GRB10: variants seen among roughly 807,000 people sequenced by gnomAD.
GRB10 encodes growth factor receptor-bound protein 10.
GRB10 carries 20 observed loss-of-function variants against 80.9 expected under a neutral mutation model. The ratio of observed to expected loss-of-function variants is 0.25; its 90% confidence interval spans 0.17 to 0.36. The LOEUF (loss-of-function observed/expected upper bound fraction) is 0.36. Among genes scored for constraint, GRB10 ranks in the 10% least tolerant of loss-of-function variants. The pLI is 1.00. For synonymous variants in GRB10, 291 were observed against 291.5 expected (o/e 1.00, Z 0.02); for missense variants, 548 against 747.7 (o/e 0.73, Z 3.12).
In GRB10 at chr7:50,782,809, C is replaced by T. The variant is rs965025419; in HGVS notation, c.-712G>A. The T allele has an allele frequency of 6.6e-6, 1 of 152,116 alleles. No individual in the cohort carries two copies. The highest frequency in any genetic ancestry group is 1.5e-5 in the Non-Finnish European group (1 of 68,012). 9.4% of individuals were successfully genotyped at this position (152,116 alleles called of 1,614,324 possible). ...CGCGGAGCCGGCTGCCGCCCGGCTGCAATACTCAGCCTCCGAGGGACTGGG... is the reference window on the plus strand; with the variant it reads ...CGCGGAGCCGGCTGCCGCCCGGCTGTAATACTCAGCCTCCGAGGGACTGGG... On this transcript the variant is annotated 5_prime_UTR_variant, in exon 1 of 19. Transcript: ENST00000401949. This position sits in a 1 kb window ranked among gnomAD's most constrained non-coding sequence, Gnocchi z 6.6.
intron 2 of GRB10, among the ~76,000 whole-genome samples, chr7:50,766,978 CA>C (rs1216340306): frequency 6.6e-6 from 1 of 152,154 alleles, no homozygotes; most frequent in Admixed American, 6.5e-5. Context: ...GGTTGGTAAA[CA>C]ATGATTAATG....
At chr7:50,730,577 T>C (rs974451687) in intron 4 of GRB10, among the ~76,000 whole-genome samples, 1 of 152,208 alleles carries the variant, frequency 6.6e-6, no homozygotes, top group Non-Finnish European at 1.5e-5. Flanking sequence ...TGCTTTCAAA[T>C]GGCCCTGAGA....
chr7:50,682,520 C>A (rs893702085), intron 5 of GRB10, among the ~76,000 whole-genome samples: 1 of 152,180 alleles, frequency 6.6e-6, no homozygotes, highest in Admixed American at 6.5e-5. Flanking sequence ...CAACATCACC[C>A]GAACAAAGGG....
At chr7:50,622,324 G>A (rs1243748138) in intron 8 of GRB10, among the ~76,000 whole-genome samples, 1 of 152,166 alleles carries the variant, frequency 6.6e-6, no homozygotes, top group Non-Finnish European at 1.5e-5. Context: ...GAGTCAACAG[G>A]CGCCGGCTGT....
intron 3 of GRB10, among the ~76,000 whole-genome samples, chr7:50,748,313 G>A (rs1401314607): frequency 6.6e-6 from 1 of 152,230 alleles, no homozygotes; most frequent in Non-Finnish European, 1.5e-5. Context: ...ATGGACATCA[G>A]ACAGTGCACA....
intron 7 of GRB10, among the ~76,000 whole-genome samples, chr7:50,637,296 C>T (rs1347098219): frequency 7.2e-5 from 11 of 152,134 alleles, no homozygotes; most frequent in African/African-American, 2.2e-4. Flanking sequence ...AAGACACTTC[C>T]GAAAGACTCC....
intron 3 of GRB10, among the ~76,000 whole-genome samples, chr7:50,748,388 A>G (rs567858179): frequency 6.6e-6 from 1 of 152,216 alleles, no homozygotes; most frequent in Non-Finnish European, 1.5e-5. Flanking sequence ...AGCCAGGGAG[A>G]GCGTCACGGC....
intron 13 of GRB10, among the ~76,000 whole-genome samples, chr7:50,608,075 T>C (rs893200864): frequency 6.6e-6 from 1 of 152,260 alleles, no homozygotes; most frequent in Non-Finnish European, 1.5e-5. Context: ...AGGGGAAATA[T>C]TTGATGAGAT....
intron 3 of GRB10, among the ~76,000 whole-genome samples, chr7:50,753,965 C>T (rs2074602896): frequency 6.6e-6 from 1 of 152,270 alleles, no homozygotes; most frequent in African/African-American, 2.4e-5. Context: ...TAAAGCCTTG[C>T]CAGAAAGAAA....
intron 4 of GRB10, among the ~76,000 whole-genome samples, chr7:50,718,262 GAGT>G (rs1394346292): frequency 6.6e-6 from 1 of 152,164 alleles, no homozygotes; most frequent in East Asian, 1.9e-4. Context: ...ATGGGAAAAT[GAGT>G]TTGGTTTGAA....
rs1246975442 is a variant in GRB10, at chr7:50,761,545, G to C, written c.-216-5489C>G. 9 of 152,318 alleles carry C rather than the reference G, an allele frequency of 5.9e-5. No homozygotes were observed. In the East Asian group the frequency reaches 1.7e-3, roughly 29 times the overall value. 9.4% of individuals were successfully genotyped at this position (152,318 alleles called of 1,614,324 possible). ...GCAGGCAAGTGGCACAGGTAATGAA[G>C]AAGCAAAAATGACATCCCCATTAAC... On this transcript the variant is annotated intron_variant, in intron 2 of 18. Transcript: ENST00000401949.
At chr7:50,777,429 T>TATACACACACACACACAC (rs1554316306) in intron 2 of GRB10, among the ~76,000 whole-genome samples, 2 of 146,166 alleles carry the variant, frequency 1.4e-5, no homozygotes, top group African/African-American at 5.1e-5. Flanking sequence ...GCAATCTGTA[T>TATACACACACACACACAC]ACACACACAC....
chr7:50,767,169 A>G (rs1437744474), intron 2 of GRB10, among the ~76,000 whole-genome samples: 1 of 152,152 alleles, frequency 6.6e-6, no homozygotes, highest in East Asian at 1.9e-4. Context: ...GACTGGTGCA[A>G]CATCCTCCCA....
chr7:50,673,320 G>A (rs1201130925), intron 6 of GRB10, among the ~76,000 whole-genome samples: 4 of 152,166 alleles, frequency 2.6e-5, no homozygotes, highest in African/African-American at 7.2e-5. Flanking sequence ...TCCCGACTGC[G>A]ACAGGGCAGA....
chr7:50,757,285 G>C (rs143694610), intron 2 of GRB10, among the ~76,000 whole-genome samples: 7 of 152,162 alleles, frequency 4.6e-5, no homozygotes, highest in African/African-American at 1.7e-4. Flanking sequence ...TCTCTCTCAC[G>C]GAGCTTTTAT....
intron 17 of GRB10, 85 bp from the exon 18 acceptor site, chr7:50,595,615 AC>A (rs2046510677): frequency 5.3e-6 from 4 of 755,108 alleles, no homozygotes; most frequent in African/African-American, 5.2e-5. Flanking sequence ...ACACACACAC[AC>A]ACACACACAC....
At chr7:50,769,615 CCA>C (rs1196870898) in intron 2 of GRB10, among the ~76,000 whole-genome samples, 1 of 152,170 alleles carries the variant, frequency 6.6e-6, no homozygotes, top group East Asian at 1.9e-4. Flanking sequence ...TCTCTGAGCA[CCA>C]CACTAAGGAC....
At chr7:50,613,366 A>G (rs571336925) in intron 12 of GRB10, among the ~76,000 whole-genome samples, 1 of 152,156 alleles carries the variant, frequency 6.6e-6, no homozygotes, top group South Asian at 2.1e-4. Flanking sequence ...CCCCAAGTAG[A>G]AGGTCCAGAG....
chr7:50,706,692 T>G (rs1313462307), intron 4 of GRB10, among the ~76,000 whole-genome samples: 1 of 152,240 alleles, frequency 6.6e-6, no homozygotes, highest in Non-Finnish European at 1.5e-5. Flanking sequence ...TTTCTTCTTT[T>G]GGGCTATCCT....
Sources: gnomAD v4.1 joint callset for allele counts (sites outside exome capture counted in the v4.1 genomes callset) on GRCh38, gnomAD v4.1.1 for gene constraint, Gnocchi (gnomAD v3.1) non-coding constraint, MANE v1.5 for transcripts, NCBI Gene and HGNC (gene_info 2026-07-23, HGNC 2026-07-21) for gene names.